The following MGMT variants were observed in gnomAD, a reference collection of about 807,000 sequenced individuals.
MGMT encodes the protein O-6-methylguanine-DNA methyltransferase.
MGMT carries 14 observed loss-of-function variants against 15.9 expected under a neutral mutation model. That is an observed-to-expected ratio of 0.88 (90% CI 0.58 to 1.37). The LOEUF (loss-of-function observed/expected upper bound fraction) is 1.37. Among genes scored for constraint, MGMT ranks in the 40% most tolerant of loss-of-function variants. MGMT has a pLI of 0.00. For missense variants in MGMT, 282 were observed against 268.1 expected (o/e 1.05, Z -0.36); for synonymous variants, 130 against 118.2 (o/e 1.10, Z -0.65).
chr10:129,611,686 T>G (rs1242962312), intron 2 of MGMT, among the ~76,000 whole-genome samples: 8 of 152,176 alleles, frequency 5.3e-5, no homozygotes, highest in Admixed American at 4.6e-4. Context: ...GAATGACCTG[T>G]AGAGTCATCC....
chr10:129,677,051 G>A (rs1243669178), intron 2 of MGMT, among the ~76,000 whole-genome samples: 1 of 152,156 alleles, frequency 6.6e-6, no homozygotes, highest in East Asian at 1.9e-4. Context: ...CCATCCAGGG[G>A]CAAAGCGGCT....
intron 2 of MGMT, among the ~76,000 whole-genome samples, chr10:129,633,444 G>A (rs1433234100): frequency 6.6e-6 from 1 of 152,234 alleles, no homozygotes; most frequent in Non-Finnish European, 1.5e-5. Flanking sequence ...AAAGCTTGAA[G>A]TGAATACTCT....
At chr10:129,697,577 G>A (rs914610538) in intron 2 of MGMT, among the ~76,000 whole-genome samples, 1 of 152,212 alleles carries the variant, frequency 6.6e-6, no homozygotes, top group Non-Finnish European at 1.5e-5. Flanking sequence ...TGGAATGCCT[G>A]GCACATGTTA....
intron 2 of MGMT, among the ~76,000 whole-genome samples, chr10:129,629,990 C>T (rs1488483813): frequency 6.6e-6 from 1 of 152,266 alleles, no homozygotes; most frequent in Non-Finnish European, 1.5e-5. Context: ...CCCTCACACA[C>T]ACGGATCTGC....
intron 3 of MGMT, among the ~76,000 whole-genome samples, chr10:129,713,050 T>C (rs987261363): frequency 1.3e-5 from 2 of 152,178 alleles, no homozygotes; most frequent in Non-Finnish European, 2.9e-5. Flanking sequence ...TCCACATAGA[T>C]CACGGCAGCA....
intron 2 of MGMT, among the ~76,000 whole-genome samples, chr10:129,681,084 G>A (rs1036624175): frequency 3.9e-5 from 6 of 152,194 alleles, no homozygotes; most frequent in South Asian, 2.1e-4. Context: ...CTGGAGCGCC[G>A]GCTGCTACCT....
At chr10:129,654,209 G>A (rs923277013) in intron 2 of MGMT, among the ~76,000 whole-genome samples, 10 of 152,162 alleles carry the variant, frequency 6.6e-5, no homozygotes, top group East Asian at 1.9e-4. Flanking sequence ...TTTGGGATCC[G>A]AGAAGACGGC....
intron 2 of MGMT, among the ~76,000 whole-genome samples, chr10:129,539,542 T>C (rs1037984323): frequency 3.3e-5 from 5 of 152,212 alleles, no homozygotes; most frequent in Admixed American, 1.3e-4. Flanking sequence ...AGTCTTGCTC[T>C]GTCGCCCAGG....
chr10:129,554,708 A>G (rs961186479), intron 2 of MGMT, among the ~76,000 whole-genome samples: 2 of 151,964 alleles, frequency 1.3e-5, no homozygotes, highest in African/African-American at 4.8e-5. Context: ...GTGACTCCTC[A>G]CTGTTTTTAA....
intron 2 of MGMT, among the ~76,000 whole-genome samples, chr10:129,590,317 G>A (rs1181467940): frequency 1.4e-4 from 21 of 152,228 alleles, no homozygotes; most frequent in Admixed American, 1.4e-3. Context: ...AAACCAAGAT[G>A]TGCTTATATG....
At chr10:129,487,307 A>C (rs888624816) in intron 1 of MGMT, among the ~76,000 whole-genome samples, 1 of 152,158 alleles carries the variant, frequency 6.6e-6, no homozygotes, top group Admixed American at 6.5e-5. Context: ...TAGGACTCTG[A>C]TTATCTGTAA....
chr10:129,698,163 T>G (rs1191143767), intron 2 of MGMT, among the ~76,000 whole-genome samples: 2 of 152,152 alleles, frequency 1.3e-5, no homozygotes, highest in African/African-American at 4.8e-5. Context: ...AGGAGGAAAC[T>G]GCAAGGTGTG....
At chr10:129,660,775 AACACACACAC>A (rs10634898) in intron 2 of MGMT, among the ~76,000 whole-genome samples, 3 of 149,146 alleles carry the variant, frequency 2.0e-5, no homozygotes, top group East Asian at 4.0e-4. Flanking sequence ...CCCCACCCCC[AACACACACAC>A]ACACACACAC....
intron 2 of MGMT, among the ~76,000 whole-genome samples, chr10:129,702,890 G>A (rs1848116031): frequency 6.6e-6 from 1 of 152,198 alleles, no homozygotes; most frequent in Non-Finnish European, 1.5e-5. Flanking sequence ...GGGGAAGCTT[G>A]AGGAACTCCC....
chr10:129,571,956 G>A (rs191439679), intron 2 of MGMT, among the ~76,000 whole-genome samples: 110 of 152,224 alleles, frequency 7.2e-4, no homozygotes, highest in African/African-American at 2.4e-3. Context: ...GACAATTCAC[G>A]GTGCATTTTA....
intron 2 of MGMT, among the ~76,000 whole-genome samples, chr10:129,594,912 C>T (rs189655745): frequency 2.4e-4 from 36 of 152,344 alleles, no homozygotes; most frequent in South Asian, 8.3e-4. Context: ...CCGGCACACC[C>T]GTCACGCCAT....
At chr10:129,708,387 G>A (rs957911952) in intron 3 of MGMT, among the ~76,000 whole-genome samples, 2 of 152,182 alleles carry the variant, frequency 1.3e-5, no homozygotes, top group African/African-American at 4.8e-5. Context: ...CTATCTGCTT[G>A]CCAACAGCAC....
intron 3 of MGMT, among the ~76,000 whole-genome samples, chr10:129,717,054 G>GT (rs1483480096): frequency 1.3e-5 from 2 of 152,204 alleles, no homozygotes; most frequent in African/African-American, 4.8e-5. Flanking sequence ...TGGTAATTTA[G>GT]TAGAGGACTA....
intron 2 of MGMT, among the ~76,000 whole-genome samples, chr10:129,560,738 CTT>C (rs1846266873): frequency 6.6e-6 from 1 of 152,142 alleles, no homozygotes; most frequent in Admixed American, 6.5e-5. Context: ...AGCTGAACGT[CTT>C]TTATTGTGGC....
Sources: gnomAD v4.1 joint callset for allele counts (sites outside exome capture counted in the v4.1 genomes callset) on GRCh38, gnomAD v4.1.1 for gene constraint, MANE v1.5 for transcripts, NCBI Gene and HGNC (gene_info 2026-07-23, HGNC 2026-07-21) for gene names.